The following PGAM2 variants were observed in gnomAD, a reference collection of about 807,000 sequenced individuals.
The protein encoded by PGAM2 is BPG-dependent PGAM 2.
Under a neutral mutation model 22.5 loss-of-function variants are expected in PGAM2, and 23 were observed. The ratio of observed to expected loss-of-function variants is 1.02; its 90% CI spans 0.74 to 1.45. The LOEUF (loss-of-function observed/expected upper bound fraction) is 1.45, where lower values mean the gene tolerates loss of function less well. Ranked by LOEUF, PGAM2 falls within the 40% of genes most tolerant of loss-of-function variation. The probability of loss-of-function intolerance (pLI) is 0.00; values close to 1 mark genes in which losing one functional copy is unlikely to be tolerated. For synonymous variants in PGAM2, 133 were observed against 138.6 expected (o/e 0.96, Z 0.29); for missense variants, 349 against 356.2 (o/e 0.98, Z 0.16).
At chr7:44,063,282 T>C (rs2096152607) in intron 2 of PGAM2, 1 of 318,466 alleles carries the variant, frequency 3.1e-6, no homozygotes, top group Non-Finnish European at 6.0e-6. Flanking sequence ...TTTTCTTTTC[T>C]TTTTCTTTTT....
intron 2 of PGAM2, 28 bp downstream of exon 2, chr7:44,064,804 C>CCCCCCCG: frequency 1.4e-6 from 2 of 1,437,740 alleles, no homozygotes; most frequent in Non-Finnish European, 1.9e-6. Context: ...CCCACCCACC[C>CCCCCCCG]TGCCCAGGCT....
intron 2 of PGAM2, chr7:44,064,350 C>T (rs1410137995): frequency 1.4e-5 from 3 of 212,238 alleles, no homozygotes; most frequent in Admixed American, 5.3e-5. Context: ...TGGTGAAGCT[C>T]ATGCAGGGAT....
At position 44,064,949 on chromosome 7, in the gene PGAM2, T is replaced by A. The variant is rs1352617775; in HGVS notation, c.478A>T (p.Ile160Phe). Reference sequence around the variant, plus strand: ...TTCCAGAAGGGCAGGGCCCGGGCAATGGTGTCCTTGAGGCTCTCGCAGGTG... The same window carrying A: ...TTCCAGAAGGGCAGGGCCCGGGCAAAGGTGTCCTTGAGGCTCTCGCAGGTG... ...LPTCESLKDT[I>F]ARALPFWNEE... is the part of the protein sequence containing the mutation. Residue 160 changes from isoleucine (I) to phenylalanine (F), a missense_variant, in exon 2 of 3, where the codon ATT becomes TTT. Transcript: ENST00000297283. The A allele has an allele frequency of 6.2e-7, 1 of 1,609,248 alleles. No homozygotes were observed. The highest frequency in any genetic ancestry group is 1.3e-5 in the African/African-American group (1 of 74,898).
intron 2 of PGAM2, chr7:44,063,182 T>C: frequency 1.8e-6 from 1 of 544,734 alleles, no homozygotes; most frequent in Non-Finnish European, 3.3e-6. Context: ...TGATCTGTGG[T>C]GGTGCTGTCC....
At position 44,064,884 on chromosome 7, in the gene PGAM2, C is replaced by T. The variant is rs774684004; in HGVS notation, c.543G>A (p.Val181=). 5 of 1,609,464 alleles carry T rather than the reference C, an allele frequency of 3.1e-6. No individual in the cohort carries two copies. The highest frequency in any genetic ancestry group is 4.2e-6 in the Non-Finnish European group (5 of 1,178,476). ...GGCTGTTCCCGTGGGCTGCAATGAG[C>T]ACTCGCTTGCCGGCCTTGATCTGGG... ...IVPQIKAGKR[V]LIAAHGNSLR... is the part of the protein sequence containing the mutation. The change falls in exon 2 of 3, where the codon GTG becomes GTA. Residue 181 remains valine (V), a synonymous_variant. Transcript: ENST00000297283.
At position 44,062,853 on chromosome 7, in the gene PGAM2, T is replaced by G. The variant is rs764304891; in HGVS notation, c.673A>C (p.Lys225Gln). 16 of 1,614,100 alleles carry G rather than the reference T, an allele frequency of 9.9e-6. No individual in the cohort carries two copies. The Admixed American group carries it at 2.3e-4, about 24-fold the overall frequency. Residue 225 changes from lysine to glutamine, a missense_variant, in exon 3 of 3, where the codon AAG (lysine) becomes CAG (glutamine). Transcript: ENST00000297283. ...PIVYELNKELKPTKPMQFLGD... is the reference protein window; with the variant it reads ...PIVYELNKELQPTKPMQFLGD... ...AGGAACTGCATGGGCTTGGTGGGCT[T>G]CAGCTCCTTGTTCAGCTCATACACA...
In PGAM2 at chr7:44,065,342, G is replaced by A; in HGVS notation, c.188C>T (p.Ala63Val). Residue 63 changes from alanine to valine, a missense_variant, in exon 1 of 3, where the codon GCC becomes GTC. By Grantham distance (64) the Ala-to-Val change is moderately conservative. Coordinates refer to ENST00000297283, the MANE Select transcript of PGAM2 (RefSeq NM_000290.4). ...CAGGATGGCCCAGAGGGTGCGGATG[G>A]CCCGCTTCAGCACTGACGTGTAGCA... ...DICYTSVLKR[A>V]IRTLWAILDG... The A allele has an allele frequency of 6.2e-7, 1 of 1,613,694 alleles. No homozygotes were observed. The highest frequency in any genetic ancestry group is 8.5e-7 in the Non-Finnish European group (1 of 1,180,034).
At position 44,065,509 on chromosome 7, in the gene PGAM2, CA is replaced by C. The variant is rs764567774; in HGVS notation, c.20del (p.Val7GlyfsTer24). The C allele has an allele frequency of 2.2e-5, 36 of 1,613,966 alleles. No homozygotes were observed. Among genetic ancestry groups the C allele is most frequent in the Admixed American group, 5.0e-5 (3 of 60,014 alleles). On this transcript the variant is annotated frameshift_variant, in exon 1 of 3. Transcript: ENST00000297283. LOFTEE classifies it high-confidence loss of function. MATHRL[V>X]MVRHGESTWN... ...ATGTGCTCTCGCCGTGCCGGACCAT[CA>C]CGAGGCGGTGAGTGGCCATGGTGGC...
Position 44,065,014 on chromosome 7 carries a change from T to TG in PGAM2, c.415-3dup. 1 of 1,606,702 alleles carries TG rather than the reference T, an allele frequency of 6.2e-7. No homozygotes were observed. Among genetic ancestry groups the TG allele is most frequent in the Non-Finnish European group, 8.5e-7 (1 of 1,179,604 alleles). On this transcript the variant is annotated splice_region_variant and splice_polypyrimidine_tract_variant and intron_variant, in intron 1 of 2. Coordinates refer to ENST00000297283, the MANE Select transcript of PGAM2 (RefSeq NM_000290.4). Reference sequence around the variant, plus strand: ...CTTCAGGCCTGCGTACCGACGCTCCTGGGGGACACAGGCACGCTGCTTTCC... The same window carrying TG: ...CTTCAGGCCTGCGTACCGACGCTCCTGGGGGGACACAGGCACGCTGCTTTCC...
intron 2 of PGAM2, chr7:44,064,554 G>C (rs576441422): frequency 2.0e-6 from 1 of 503,364 alleles, no homozygotes; most frequent in East Asian, 3.7e-5. Flanking sequence ...TTCCTAGCTG[G>C]GTGTCCCTTG....
rs140545494 is a variant in PGAM2 at position 44,065,411 on chromosome 7, C to A, written c.119G>T (p.Arg40Leu). The A allele has an allele frequency of 6.2e-7, 1 of 1,614,168 alleles. No individual in the cohort carries two copies. The highest frequency in any genetic ancestry group is 1.7e-5 in the Admixed American group (1 of 60,032). ...LSEKGTEEAK[R>L]GAKAIKDAKM... ...GGCATCCTTGATGGCCTTGGCTCCC[C>A]GCTTGGCCTCCTCGGTCCCCTTTTC... Residue 40 changes from arginine (R) to leucine (L), a missense_variant, in exon 1 of 3, where the codon CGG (arginine) becomes CTG (leucine). Transcript: ENST00000297283.
intron 2 of PGAM2, chr7:44,063,906 GCAGGTGGTC>G (rs1186778726): frequency 6.6e-6 from 1 of 152,372 alleles, no homozygotes; most frequent in East Asian, 1.9e-4. Flanking sequence ...GGGAGAGGAG[GCAGGTGGTC>G]CTTCCCTCTG....
chr7:44,063,144 G>A (rs773016675), intron 2 of PGAM2: 6 of 596,410 alleles, frequency 1.0e-5, no homozygotes, highest in Admixed American at 4.8e-5. Flanking sequence ...TGAAAAAAAT[G>A]GGGACTTCAG....
intron 2 of PGAM2, 79 bp from the exon 3 acceptor site, chr7:44,063,009 G>A: frequency 6.8e-7 from 1 of 1,472,656 alleles, no homozygotes. Flanking sequence ...GACCTTTATG[G>A]TCCACAGAGC....
rs985516399 is a variant in PGAM2 at position 44,064,689 on chromosome 7, T to A, written c.595+143A>T. On this transcript the variant is annotated intron_variant, in intron 2 of 2. Transcript: ENST00000297283. ...AAATTTCACAAAACTAAAAAATGGCTTCTCAGCCCTCCTTTTTCAGTGAAT... is the reference window on the plus strand; with the variant it reads ...AAATTTCACAAAACTAAAAAATGGCATCTCAGCCCTCCTTTTTCAGTGAAT... 23 of 764,060 alleles carry A rather than the reference T, an allele frequency of 3.0e-5. No individual in the cohort carries two copies. The Admixed American group carries it at 5.3e-4, about 18-fold the overall frequency. 47.3% of individuals were successfully genotyped at this position (764,060 alleles called of 1,614,324 possible). A position where few individuals can be genotyped will look rare whatever the true frequency, so the allele number is the denominator to read the frequency against.
chr7:44,064,555 G>A lies in PGAM2; in HGVS notation c.595+277C>T. The A allele has an allele frequency of 5.9e-6, 3 of 505,316 alleles. No individual in the cohort carries two copies. In the South Asian group the frequency reaches 6.3e-5, roughly 11 times the overall value. The allele number at this position is 505,316 out of a possible 1,614,324, so 31.3% of individuals were successfully genotyped here. On this transcript the variant is annotated intron_variant, in intron 2 of 2. Transcript: ENST00000297283. Reference sequence around the variant, plus strand: ...CCCAGCCCTTCCGTTTCCTAGCTGGGTGTCCCTTGGCAGATGCCACCTTTG... The same window carrying A: ...CCCAGCCCTTCCGTTTCCTAGCTGGATGTCCCTTGGCAGATGCCACCTTTG...
chr7:44,064,889 G>A lies in PGAM2; in HGVS notation c.538C>T (p.Arg180Ter), dbSNP rs540266988. 4.4e-6 allele frequency: 7 copies of A among 1,601,864 alleles called. No homozygotes were observed. Among genetic ancestry groups the A allele is most frequent in the African/African-American group, 1.3e-5 (1 of 74,364 alleles). The part of the protein sequence containing the change: ...EIVPQIKAGK[R>*]VLIAAHGNSL... ...TTCCCGTGGGCTGCAATGAGCACTC[G>A]CTTGCCGGCCTTGATCTGGGGAACA... The change falls in exon 2 of 3, where the codon CGA (arginine) becomes TGA (stop). Residue 180 changes from arginine to a stop codon, truncating the protein, a stop_gained. Coordinates refer to ENST00000297283, the MANE Select transcript of PGAM2 (RefSeq NM_000290.4). LOFTEE classifies it high-confidence loss of function.
At chr7:44,064,706 T>C (rs2096155699) in intron 2 of PGAM2, 126 bp downstream of exon 2, 2 of 853,090 alleles carry the variant, frequency 2.3e-6, no homozygotes, top group Admixed American at 2.3e-5. Flanking sequence ...CCCTCCTTTT[T>C]CAGTGAATGA....
At chr7:44,063,029 T>G in intron 2 of PGAM2, 99 bp from the exon 3 acceptor site, 1 of 1,281,766 alleles carries the variant, frequency 7.8e-7, no homozygotes, top group African/African-American at 1.5e-5. Flanking sequence ...CCAGTTCCCC[T>G]GGCACCAATT....
Sources: allele counts gnomAD v4.1 joint callset, GRCh38; gene constraint gnomAD v4.1.1; transcripts MANE v1.5; gene names NCBI Gene and HGNC (gene_info 2026-07-23, HGNC 2026-07-21).